The following CDK14 variants were observed in gnomAD, a reference collection of about 807,000 sequenced individuals.
The protein encoded by CDK14 is cyclin-dependent kinase 14.
In CDK14, 34 loss-of-function variants were observed where a neutral mutation model predicts 60.7. That is an observed-to-expected ratio of 0.56 (90% confidence interval 0.43 to 0.75). The LOEUF is 0.75. Among genes scored for constraint, CDK14 ranks in the 30% least tolerant of loss-of-function variants. The pLI is 0.00. For missense variants in CDK14, 482 were observed against 564.1 expected, an observed-to-expected ratio of 0.85 and a Z score of 1.47; for synonymous variants, 197 against 203.7, an observed-to-expected ratio of 0.97 and a Z score of 0.28.
intron 9 of CDK14, among the ~76,000 whole-genome samples, chr7:90,983,788 G>A (rs1390164056): frequency 1.3e-5 from 2 of 152,076 alleles, no homozygotes; most frequent in Admixed American, 1.3e-4. Context: ...AATACTGCAT[G>A]TTGTCATTCA....
At chr7:90,704,434 T>G (rs1801853173) in intron 2 of CDK14, among the ~76,000 whole-genome samples, 1 of 152,212 alleles carries the variant, frequency 6.6e-6, no homozygotes, top group African/African-American at 2.4e-5. Context: ...AATGCAGAGA[T>G]GAAGAAAATG....
chr7:90,672,055 C>A (rs528298460), intron 2 of CDK14, among the ~76,000 whole-genome samples: 1 of 152,156 alleles, frequency 6.6e-6, no homozygotes, highest in East Asian at 1.9e-4. Context: ...TTGGAGTTGC[C>A]TGGAGTTAAT....
At chr7:90,645,376 A>G (rs961919579) in intron 2 of CDK14, among the ~76,000 whole-genome samples, 2 of 152,110 alleles carry the variant, frequency 1.3e-5, no homozygotes, top group African/African-American at 4.8e-5. Flanking sequence ...AAATAACCTT[A>G]AAATGATTTA....
At chr7:90,655,742 A>C (rs374378645) in intron 2 of CDK14, among the ~76,000 whole-genome samples, 7 of 152,200 alleles carry the variant, frequency 4.6e-5, no homozygotes, top group African/African-American at 1.7e-4. Flanking sequence ...CCTTTTGAGT[A>C]AGCAAAGAGC....
intron 8 of CDK14, among the ~76,000 whole-genome samples, chr7:90,950,121 C>T (rs2041348): frequency 0.33 from 49,695 of 152,086 alleles, 8,540 homozygotes; most frequent in East Asian, 0.48. Context: ...GACGGAGTTT[C>T]GCTTTGTTGC....
intron 2 of CDK14, among the ~76,000 whole-genome samples, chr7:90,666,592 A>C (rs902228632): frequency 3.0e-4 from 45 of 152,340 alleles, no homozygotes; most frequent in African/African-American, 9.9e-4. Flanking sequence ...TTTGGTTTGA[A>C]GATATCTGTC....
chr7:90,782,184 G>A (rs1360347484), intron 4 of CDK14, among the ~76,000 whole-genome samples: 1 of 152,090 alleles, frequency 6.6e-6, no homozygotes, highest in Non-Finnish European at 1.5e-5. Flanking sequence ...AAGCAATTGT[G>A]AATGGGAGTT....
chr7:91,087,099 A>T (rs1798663072), intron 12 of CDK14, among the ~76,000 whole-genome samples: 1 of 152,126 alleles, frequency 6.6e-6, no homozygotes, highest in Admixed American at 6.5e-5. Context: ...GAAAGAGATG[A>T]TTTTAACAAC....
intron 14 of CDK14, among the ~76,000 whole-genome samples, chr7:91,162,731 G>A (rs181528193): frequency 1.3e-5 from 2 of 152,190 alleles, no homozygotes; most frequent in Admixed American, 6.5e-5. Context: ...TAGTATCGTT[G>A]TGAGGATTAC....
intron 6 of CDK14, among the ~76,000 whole-genome samples, chr7:90,871,994 T>C (rs1444178033): frequency 1.3e-5 from 2 of 152,228 alleles, no homozygotes; most frequent in African/African-American, 4.8e-5. Flanking sequence ...CTTAATAATT[T>C]ATGTATTCAT....
intron 1 of CDK14, 46 bp downstream of exon 1, chr7:90,596,764 G>A (rs759097662): frequency 6.7e-7 from 1 of 1,494,402 alleles, no homozygotes; most frequent in Non-Finnish European, 9.2e-7. Flanking sequence ...CGCTCCCCTC[G>A]GCCTGCGCCC....
At chr7:90,932,944 G>A (rs1207724962) in intron 8 of CDK14, among the ~76,000 whole-genome samples, 3 of 152,186 alleles carry the variant, frequency 2.0e-5, no homozygotes, top group Admixed American at 6.5e-5. Context: ...ATAGGCAAGG[G>A]AGTCATGGGA....
rs1801012708 is a variant in CDK14 at position 90,667,682 on chromosome 7, GC to G, written c.124-58883del. On this transcript the variant is annotated intron_variant, in intron 2 of 14. Transcript: ENST00000380050. ...CCTCCTGGGTTCACACCATTCTCCTGCCTCAACCTCCTGAGTAGCTGGGACT... is the reference window on the plus strand; with the variant it reads ...CCTCCTGGGTTCACACCATTCTCCTGCTCAACCTCCTGAGTAGCTGGGACT... Among the ~76,000 whole-genome samples, 3 of 151,588 alleles carry G rather than the reference GC, an allele frequency of 2.0e-5. No homozygotes were observed. In the South Asian group the frequency reaches 6.3e-4, roughly 32 times the overall value.
chr7:90,795,037 T>C (rs1806000286), intron 5 of CDK14, among the ~76,000 whole-genome samples: 1 of 152,228 alleles, frequency 6.6e-6, no homozygotes, highest in Admixed American at 6.5e-5. Context: ...AAGCTTTTTT[T>C]TAATGTCTTA....
rs551571462 is a variant in CDK14, at chr7:90,949,493, C to T, written c.827-6204C>T. Among the ~76,000 whole-genome samples, 17 of 152,140 alleles carry T rather than the reference C, an allele frequency of 1.1e-4. No homozygotes were observed. The South Asian group carries it at 1.5e-3, about 13-fold the overall frequency. On this transcript the variant is annotated intron_variant, in intron 8 of 14. Transcript: ENST00000380050. ...CTGGGATTACAGGCATGAGCCACTG[C>T]GCCCGGCCAAATGAAATATATTTTT...
chr7:91,094,795 G>T (rs935998322), intron 12 of CDK14, among the ~76,000 whole-genome samples: 3 of 152,160 alleles, frequency 2.0e-5, no homozygotes, highest in African/African-American at 7.2e-5. Flanking sequence ...AAACTCGAAA[G>T]ATAGCTTCAG....
intron 5 of CDK14, among the ~76,000 whole-genome samples, chr7:90,798,379 G>A (rs1788518014): frequency 6.6e-6 from 1 of 152,048 alleles, no homozygotes; most frequent in Non-Finnish European, 1.5e-5. Context: ...TGGAAGTCCA[G>A]ACACAATAAC....
intron 7 of CDK14, among the ~76,000 whole-genome samples, chr7:90,903,940 CA>C (rs1356547052): frequency 6.6e-6 from 1 of 152,146 alleles, no homozygotes; most frequent in African/African-American, 2.4e-5. Context: ...CCATGATCTA[CA>C]GCATTTCCTG....
intron 5 of CDK14, among the ~76,000 whole-genome samples, chr7:90,815,952 C>CAAACACCTAATGCATGCGGG (rs1789336933): frequency 6.6e-6 from 1 of 152,040 alleles, no homozygotes; most frequent in African/African-American, 2.4e-5. Flanking sequence ...AGAATCAGGA[C>CAAACACCTAATGCATGCGGG]AAACACCTAA....
Sources: allele counts gnomAD v4.1 joint callset (sites outside exome capture counted in the v4.1 genomes callset), GRCh38; gene constraint gnomAD v4.1.1; transcripts MANE v1.5; gene names NCBI Gene and HGNC (gene_info 2026-07-23, HGNC 2026-07-21).